The following JMJD1C variants were observed in gnomAD, a reference collection of about 807,000 sequenced individuals.
JMJD1C encodes jumonji domain containing 1C, also known as jumonji domain-containing protein 1C.
Under a neutral mutation model 245.3 loss-of-function variants are expected in JMJD1C, and 31 were observed. That is an observed-to-expected ratio of 0.13 (90% confidence interval 0.09 to 0.17). JMJD1C has a LOEUF of 0.17. Among genes scored for constraint, JMJD1C ranks in the 10% least tolerant of loss-of-function variants. The probability of loss-of-function intolerance (pLI) is 1.00; values close to 1 mark genes in which losing one functional copy is unlikely to be tolerated. For synonymous variants in JMJD1C, 1,057 were observed against 1,017.4 expected (o/e 1.04, Z -0.74); for missense variants, 2,691 against 3,000.2 (o/e 0.90, Z 2.41).
At chr10:63,249,976 C>A (rs1852831251) in intron 3 of JMJD1C, among the ~76,000 whole-genome samples, 1 of 152,024 alleles carries the variant, frequency 6.6e-6, no homozygotes, top group South Asian at 2.1e-4. Flanking sequence ...TCACATGTAC[C>A]CCCCAATACA....
Position 63,207,322 on chromosome 10 carries a change from C to CAG in JMJD1C, c.4346_4347insCT (p.Lys1449AsnfsTer11). The CAG allele has an allele frequency of 1.2e-6, 2 of 1,613,522 alleles. No homozygotes were observed. Among genetic ancestry groups the CAG allele is most frequent in the Non-Finnish European group, 1.7e-6 (2 of 1,180,000 alleles). On this transcript the variant is annotated frameshift_variant, in exon 10 of 26. Transcript: ENST00000399262. LOFTEE classifies it high-confidence loss of function. ...ATGTAACTGGTGCTGTGGTGCTGAC[C>CAG]TTGCATTCTTGTTTTTGAGCCACTG...
At chr10:63,305,629 CGTGTGTGTGTGT>C (rs36038855) in intron 2 of JMJD1C, among the ~76,000 whole-genome samples, 3,083 of 121,748 alleles carry the variant, frequency 0.025, 61 homozygotes, top group African/African-American at 0.033. Flanking sequence ...ACCATGCTGG[CGTGTGTGTGTGT>C]GTGTGTGTGT....
chr10:63,360,372 T>G (rs1945222208), intron 2 of JMJD1C, among the ~76,000 whole-genome samples: 1 of 152,118 alleles, frequency 6.6e-6, no homozygotes, highest in South Asian at 2.1e-4. Flanking sequence ...ATAAAAGAAA[T>G]GAAATCTTAA....
chr10:63,489,310 G>C (rs1224809537), intron 1 of JMJD1C, among the ~76,000 whole-genome samples: 1 of 152,164 alleles, frequency 6.6e-6, no homozygotes, highest in African/African-American at 2.4e-5. Context: ...TAAGGCAGGA[G>C]AATCACTTGA....
chr10:63,455,341 C>G (rs1352260333), intron 1 of JMJD1C, among the ~76,000 whole-genome samples: 2 of 152,050 alleles, frequency 1.3e-5, no homozygotes, highest in Non-Finnish European at 2.9e-5. Context: ...CAATTCTGCA[C>G]GTTAAAGCTT....
At chr10:63,284,412 T>G (rs1398174072) in intron 2 of JMJD1C, among the ~76,000 whole-genome samples, 1 of 152,198 alleles carries the variant, frequency 6.6e-6, no homozygotes, top group East Asian at 1.9e-4. Flanking sequence ...TCATTCATTC[T>G]GAAGAATCCT....
At chr10:63,429,964 C>A (rs1950652504) in intron 1 of JMJD1C, among the ~76,000 whole-genome samples, 1 of 152,066 alleles carries the variant, frequency 6.6e-6, no homozygotes, top group Non-Finnish European at 1.5e-5. Context: ...TATCTAAGGA[C>A]TAAAAACTCT....
rs1196156586 is a variant in JMJD1C at position 63,289,396 on chromosome 10, T to C, written c.334-24632A>G. 3.2e-4 allele frequency among the ~76,000 whole-genome samples: 49 copies of C among 152,204 alleles called. 1 individual carries two copies. The highest frequency in any genetic ancestry group is 3.2e-3 in the Admixed American group (49 of 15,266). ...TTGCTAGGCACATGATAAAAACTAC[T>C]TGTGATCTGAAATGAATGAAATAAA... On this transcript the variant is annotated intron_variant, in intron 2 of 25. Coordinates refer to ENST00000399262, the MANE Select transcript of JMJD1C (RefSeq NM_032776.3).
At chr10:63,337,847 T>G (rs533621395) in intron 2 of JMJD1C, among the ~76,000 whole-genome samples, 21 of 152,168 alleles carry the variant, frequency 1.4e-4, no homozygotes, top group South Asian at 6.2e-4. Context: ...ATTACTATAG[T>G]AAGAAATCTC....
rs376576947 is a variant in JMJD1C at position 63,207,039 on chromosome 10, G to T, written c.4630C>A (p.Pro1544Thr). ...GNGQASQTSQ[P>T]NYHTKLKKAW... The stretch of plus-strand genomic sequence containing the variant: ...TTTTTCAGTTTAGTATGGTAGTTTG[G>T]TTGACTTGTCTGGGAAGCTTGCCCA... The change falls in exon 10 of 26, where the codon CCA becomes ACA. Residue 1544 changes from proline (P) to threonine (T), a missense_variant. This residue lies in a region of JMJD1C where 1,562 missense variants were observed against 1,490.7 expected (regional missense o/e 1.05). Coordinates refer to ENST00000399262, the MANE Select transcript of JMJD1C (RefSeq NM_032776.3). 6.2e-7 allele frequency: 1 copy of T among 1,614,026 alleles called. No individual in the cohort carries two copies. Among genetic ancestry groups the T allele is most frequent in the African/African-American group, 1.3e-5 (1 of 74,900 alleles).
At chr10:63,221,075 A>C (rs1489028026) in intron 3 of JMJD1C, among the ~76,000 whole-genome samples, 1 of 147,980 alleles carries the variant, frequency 6.8e-6, no homozygotes, top group Non-Finnish European at 1.5e-5. Context: ...ACACCACTGC[A>C]CTCCAGCCTG....
intron 1 of JMJD1C, among the ~76,000 whole-genome samples, chr10:63,395,442 A>T (rs1948423060): frequency 6.6e-6 from 1 of 152,140 alleles, no homozygotes; most frequent in African/African-American, 2.4e-5. Flanking sequence ...CGCGCCACTG[A>T]ACTCCAGCCT....
intron 1 of JMJD1C, among the ~76,000 whole-genome samples, chr10:63,496,847 A>G (rs748726137): frequency 1.3e-5 from 2 of 152,232 alleles, no homozygotes; most frequent in Non-Finnish European, 2.9e-5. Flanking sequence ...CAAAGGCTTT[A>G]AATGCATGTT....
intron 7 of JMJD1C, 39 bp downstream of exon 7, chr10:63,215,220 TTTTA>T (rs776368197): frequency 2.8e-5 from 43 of 1,551,064 alleles, no homozygotes; most frequent in Non-Finnish European, 3.3e-5. Flanking sequence ...TGTATTTTTG[TTTTA>T]TTTGTTTTCA....
chr10:63,421,994 G>A (rs1311366815), intron 1 of JMJD1C, among the ~76,000 whole-genome samples: 1 of 152,102 alleles, frequency 6.6e-6, no homozygotes, highest in African/African-American at 2.4e-5. Context: ...AACTAATACA[G>A]TCCCGTTTCA....
intron 2 of JMJD1C, among the ~76,000 whole-genome samples, chr10:63,281,130 C>A (rs1489385386): frequency 7.4e-6 from 1 of 135,916 alleles, no homozygotes; most frequent in East Asian, 2.2e-4. Context: ...CCACACCCGG[C>A]CTTTTTTTTT....
intron 2 of JMJD1C, among the ~76,000 whole-genome samples, chr10:63,354,119 A>G (rs950436591): frequency 4.6e-5 from 7 of 152,194 alleles, no homozygotes; most frequent in Non-Finnish European, 5.9e-5. Flanking sequence ...GATTACAGGC[A>G]TGAGCCACTG....
rs533260691 is a variant in JMJD1C, at chr10:63,318,203, G to C, written c.334-53439C>G. 1.7e-4 allele frequency among the ~76,000 whole-genome samples: 26 copies of C among 152,194 alleles called. 1 individual carries two copies. In the South Asian group the frequency reaches 4.8e-3, roughly 28 times the overall value. ...TGTTAATTTTTAACTTTTTTGTAGA[G>C]ATGGTGTCTCCTTATGTTGCCCAGG... On this transcript the variant is annotated intron_variant, in intron 2 of 25. Transcript: ENST00000399262.
At chr10:63,323,430 G>C (rs913463873) in intron 2 of JMJD1C, among the ~76,000 whole-genome samples, 3 of 78,568 alleles carry the variant, frequency 3.8e-5, no homozygotes, top group African/African-American at 5.8e-5. Flanking sequence ...TGAGGCAGAA[G>C]AATCACTTGA....
Sources: allele counts gnomAD v4.1 joint callset (sites outside exome capture counted in the v4.1 genomes callset), GRCh38; gene constraint gnomAD v4.1.1; regional missense constraint gnomAD v4.1.1; transcripts MANE v1.5; gene names NCBI Gene and HGNC (gene_info 2026-07-23, HGNC 2026-07-21).